ACAD10: variants seen among roughly 807,000 people sequenced by gnomAD.
ACAD10 encodes the protein ACAD-10.
Under a neutral mutation model 116.8 loss-of-function variants are expected in ACAD10, and 112 were observed. That is an observed-to-expected ratio of 0.96 (90% CI 0.82 to 1.12). The LOEUF is 1.12. Ranked by LOEUF, ACAD10 falls within the 50% of genes most tolerant of loss-of-function variation. The probability of loss-of-function intolerance (pLI) is 0.00; values close to 1 mark genes in which losing one functional copy is unlikely to be tolerated. For missense variants in ACAD10, 1,259 were observed against 1,350.2 expected (o/e 0.93, Z 1.06); for synonymous variants, 486 against 510.6 (o/e 0.95, Z 0.65).
At chr12:111,710,778 C>T (rs1488878615) in intron 5 of ACAD10, among the ~76,000 whole-genome samples, 3 of 152,012 alleles carry the variant, frequency 2.0e-5, no homozygotes, top group Admixed American at 6.6e-5. Context: ...TCACCACGCC[C>T]GGCCGTGAAT....
chr12:111,753,645 TG>T, intron 18 of ACAD10, 126 bp from the exon 19 acceptor site: 1 of 1,272,504 alleles, frequency 7.9e-7, no homozygotes, highest in Non-Finnish European at 1.1e-6. Context: ...TGCACAGTCC[TG>T]GTTTCACTCT....
intron 2 of ACAD10, among the ~76,000 whole-genome samples, chr12:111,697,518 G>A (rs1314089298): frequency 1.3e-5 from 2 of 149,806 alleles, no homozygotes; most frequent in Non-Finnish European, 3.0e-5. Context: ...GTGCCACCAT[G>A]CTTGGCTAAT....
At chr12:111,755,441 G>T (rs954543140) in intron 19 of ACAD10, among the ~76,000 whole-genome samples, 1 of 151,978 alleles carries the variant, frequency 6.6e-6, no homozygotes, top group Non-Finnish European at 1.5e-5. Context: ...TCACTCTGTT[G>T]TCCAGGCTTG....
chr12:111,740,808 G>GA (rs1422604249), intron 12 of ACAD10, among the ~76,000 whole-genome samples: 1 of 143,706 alleles, frequency 7.0e-6, no homozygotes, highest in Admixed American at 7.0e-5. Flanking sequence ...AAAAAGAAAA[G>GA]AAAAAGAAAT....
intron 5 of ACAD10, among the ~76,000 whole-genome samples, chr12:111,711,245 G>A (rs1888669143): frequency 6.6e-6 from 1 of 152,156 alleles, no homozygotes. Context: ...CTGTCGCCCA[G>A]GCTGGAGTGC....
At chr12:111,724,014 C>T (rs1450030651) in intron 8 of ACAD10, among the ~76,000 whole-genome samples, 11 of 151,218 alleles carry the variant, frequency 7.3e-5, no homozygotes, top group African/African-American at 2.5e-4. Flanking sequence ...ACGCTCCTCA[C>T]TTCCTAGATG....
chr12:111,741,259 A>G (rs1391182221), intron 12 of ACAD10, among the ~76,000 whole-genome samples: 3 of 152,220 alleles, frequency 2.0e-5, no homozygotes, highest in Non-Finnish European at 4.4e-5. Context: ...TAGTTTTCCA[A>G]TAAACACTAA....
intron 12 of ACAD10, 116 bp downstream of exon 12, chr12:111,737,120 G>C: frequency 1.2e-6 from 1 of 847,444 alleles, no homozygotes; most frequent in Non-Finnish European, 1.7e-6. Flanking sequence ...ATTTGGCCAG[G>C]ATTCTCTGAG....
intron 8 of ACAD10, among the ~76,000 whole-genome samples, chr12:111,725,794 C>G (rs1022553926): frequency 1.4e-4 from 21 of 151,910 alleles, no homozygotes; most frequent in Non-Finnish European, 4.4e-5. Context: ...CTCGGCCTCC[C>G]AAAGTGCTGG....
chr12:111,691,888 C>T (rs1566138793), intron 1 of ACAD10, among the ~76,000 whole-genome samples: 3 of 152,230 alleles, frequency 2.0e-5, no homozygotes, highest in South Asian at 2.1e-4. Context: ...TGTGCCACTG[C>T]GCCTGACGGG....
chr12:111,743,241 A>G lies in ACAD10; in HGVS notation c.1715-1402A>G, dbSNP rs528221786. On this transcript the variant is annotated intron_variant, in intron 12 of 20. Coordinates refer to ENST00000313698, the MANE Select transcript of ACAD10 (RefSeq NM_025247.6). ...GAAAAGGCCACATGCTGAGTGACAT[A>G]TGTATTTATGGGACATCCTGGAAGA... Among the ~76,000 whole-genome samples, 9 of 152,172 alleles carry G rather than the reference A, an allele frequency of 5.9e-5. 2 individuals carry two copies. The South Asian group carries it at 1.9e-3, about 32-fold the overall frequency.
chr12:111,692,467 A>G (rs1888078038), intron 1 of ACAD10, among the ~76,000 whole-genome samples: 1 of 152,212 alleles, frequency 6.6e-6, no homozygotes, highest in African/African-American at 2.4e-5. Context: ...GAGATTGCAG[A>G]AAGTCAGAGG....
chr12:111,753,316 C>T (rs1050174534), intron 18 of ACAD10: 1 of 360,296 alleles, frequency 2.8e-6, no homozygotes, highest in African/African-American at 2.1e-5. Flanking sequence ...GGACCTTGCT[C>T]CCATTGGAGC....
intron 10 of ACAD10, among the ~76,000 whole-genome samples, chr12:111,732,047 C>G (rs1889400460): frequency 6.6e-6 from 1 of 152,272 alleles, no homozygotes; most frequent in African/African-American, 2.4e-5. Flanking sequence ...CACCACTGCA[C>G]TCCAGCCTGG....
intron 19 of ACAD10, among the ~76,000 whole-genome samples, chr12:111,754,839 C>T (rs1035691967): frequency 7.9e-5 from 12 of 152,250 alleles, no homozygotes; most frequent in African/African-American, 2.9e-4. Flanking sequence ...TCAGTGTGTG[C>T]TGGCTGTGTT....
chr12:111,704,743 A>G (rs1247515650), intron 3 of ACAD10, among the ~76,000 whole-genome samples: 1 of 137,796 alleles, frequency 7.3e-6, no homozygotes, highest in Non-Finnish European at 1.5e-5. Context: ...GCTGGAGTGC[A>G]GTGGCATGAT....
At chr12:111,748,686 T>C (rs1429618198) in intron 17 of ACAD10, 1 of 645,056 alleles carries the variant, frequency 1.6e-6, no homozygotes, top group Non-Finnish European at 2.6e-6. Context: ...TTTTTTTCCC[T>C]CTTCTAAACT....
intron 6 of ACAD10, among the ~76,000 whole-genome samples, chr12:111,713,810 G>C (rs879693997): frequency 1.3e-5 from 2 of 151,532 alleles, no homozygotes; most frequent in Non-Finnish European, 2.9e-5. Flanking sequence ...TTTGGCGGGC[G>C]CCTGTAATCC....
In ACAD10 at chr12:111,715,928, C is replaced by A. The variant is rs1319989354; in HGVS notation, c.958C>A (p.Leu320Ile). ...GAGGAAGAAGCCCCCAGGGACACTC[C>A]TTCCATCTGCCCATGCCATAGAGAG... ...VLRKKPPGTL[L>I]PSAHAIEREF... Residue 320 changes from leucine (L) to isoleucine (I), a missense_variant, in exon 7 of 21, where the codon CTT becomes ATT. Transcript: ENST00000313698. 2.5e-6 allele frequency: 4 copies of A among 1,613,966 alleles called. No homozygotes were observed. The highest frequency in any genetic ancestry group is 1.7e-5 in the Admixed American group (1 of 59,974).
Sources: gnomAD v4.1 joint callset for allele counts (sites outside exome capture counted in the v4.1 genomes callset) on GRCh38, gnomAD v4.1.1 for gene constraint, MANE v1.5 for transcripts, NCBI Gene and HGNC (gene_info 2026-07-23, HGNC 2026-07-21) for gene names.